Variants in UBE2G1 observed in about 807,000 individuals in gnomAD.
UBE2G1 encodes ubiquitin-conjugating enzyme E2 G1.
Under a neutral mutation model 22.7 loss-of-function variants are expected in UBE2G1, and 5 were observed. That is an observed-to-expected ratio of 0.22 (90% CI 0.12 to 0.46). UBE2G1 has a LOEUF of 0.46. Among genes scored for constraint, UBE2G1 ranks in the 20% least tolerant of loss-of-function variants. The pLI is 0.99. For missense variants in UBE2G1, 88 were observed against 203.9 expected (o/e 0.43, Z 3.46); for synonymous variants, 74 against 67.5 (o/e 1.10, Z -0.47).
At chr17:4,339,492 C>T (rs527755970) in intron 1 of UBE2G1, among the ~76,000 whole-genome samples, 375 of 152,126 alleles carry the variant, frequency 2.5e-3, no homozygotes, top group Non-Finnish European at 4.3e-3. Context: ...TTAGTAGAGA[C>T]GGGGTTTCAG....
Position 4,312,157 on chromosome 17 carries a change from T to C in UBE2G1, c.47-5034A>G, listed in dbSNP as rs148161136. Among the ~76,000 whole-genome samples, 135 of 150,804 alleles carry C rather than the reference T, an allele frequency of 9.0e-4. 2 individuals carry two copies. In the East Asian group the frequency reaches 0.02, roughly 22 times the overall value. ...GCTACTTGGGAGGCAGGAGAATCGC[T>C]TGAACCCAGGAGGCGGAGGTCACCG... On this transcript the variant is annotated intron_variant, in intron 1 of 5. Transcript: ENST00000396981.
chr17:4,317,333 A>G (rs947846584), intron 1 of UBE2G1, among the ~76,000 whole-genome samples: 2 of 152,194 alleles, frequency 1.3e-5, no homozygotes, highest in East Asian at 3.9e-4. Context: ...CTAGGCGACA[A>G]GAGCGAGACT....
chr17:4,270,914 C>T lies in UBE2G1; in HGVS notation c.*1640G>A, dbSNP rs1968750893. 6.6e-6 allele frequency: 1 copy of T among 152,222 alleles called. No individual in the cohort carries two copies. Among genetic ancestry groups the T allele is most frequent in the African/African-American group, 2.4e-5 (1 of 41,450 alleles). 9.4% of individuals were successfully genotyped at this position (152,222 alleles called of 1,614,324 possible). Reference sequence around the variant, plus strand: ...TGGGCTCTTGGCAGGAGTTCTTTCACTCTTCTGCCAAAGCATTTCTCCAAA... The same window carrying T: ...TGGGCTCTTGGCAGGAGTTCTTTCATTCTTCTGCCAAAGCATTTCTCCAAA... On this transcript the variant is annotated 3_prime_UTR_variant, in exon 6 of 6. Transcript: ENST00000396981.
intron 2 of UBE2G1, chr17:4,302,255 A>T (rs559600248): frequency 2.1e-6 from 1 of 468,486 alleles, no homozygotes; most frequent in African/African-American, 2.0e-5. Flanking sequence ...CCCACACCCC[A>T]GTATTTGGGC....
At chr17:4,324,873 C>T (rs952751155) in intron 1 of UBE2G1, among the ~76,000 whole-genome samples, 9 of 151,926 alleles carry the variant, frequency 5.9e-5, no homozygotes, top group Admixed American at 1.3e-4. Context: ...GTCAGGAGAT[C>T]GAGACCATCC....
At chr17:4,292,010 T>C (rs989230775) in intron 3 of UBE2G1, among the ~76,000 whole-genome samples, 1 of 152,116 alleles carries the variant, frequency 6.6e-6, no homozygotes, top group African/African-American at 2.4e-5. Context: ...TCAGTGTTCA[T>C]TAGAGATGAA....
In UBE2G1 at chr17:4,271,595, G is replaced by A. The variant is rs769159273; in HGVS notation, c.*959C>T. ...GAGAAATATGAAGGACTAAGGAGAA[G>A]GGTATGAGAGTAAATAGGATTTGTA... On this transcript the variant is annotated 3_prime_UTR_variant, in exon 6 of 6. Coordinates refer to ENST00000396981, the MANE Select transcript of UBE2G1 (RefSeq NM_003342.5). 3.3e-5 allele frequency: 5 copies of A among 149,358 alleles called. No homozygotes were observed. Among genetic ancestry groups the A allele is most frequent in the Non-Finnish European group, 7.4e-5 (5 of 67,588 alleles). The allele number at this position is 149,358 out of a possible 1,614,324, so 9.3% of individuals were successfully genotyped here.
At chr17:4,295,331 C>A (rs1051715494) in intron 3 of UBE2G1, among the ~76,000 whole-genome samples, 1 of 152,196 alleles carries the variant, frequency 6.6e-6, no homozygotes, top group Admixed American at 6.5e-5. Context: ...AAATCACTAT[C>A]TTTTACGATC....
Position 4,303,898 on chromosome 17 carries a change from C to T in UBE2G1, c.149+3123G>A, listed in dbSNP as rs376592748. On this transcript the variant is annotated intron_variant, in intron 2 of 5. Coordinates refer to ENST00000396981, the MANE Select transcript of UBE2G1 (RefSeq NM_003342.5). ...AAACAAAATAAATAAATAAGACATA[C>T]TCCTTGAACAGACCAGCCACTGGTG... is the stretch of plus-strand genomic sequence containing the variant. 2.0e-4 allele frequency among the ~76,000 whole-genome samples: 30 copies of T among 152,232 alleles called. No homozygotes were observed. The South Asian group carries it at 2.7e-3, about 14-fold the overall frequency.
intron 4 of UBE2G1, among the ~76,000 whole-genome samples, chr17:4,284,834 CTTTCTTT>C (rs1306719261): frequency 3.6e-4 from 30 of 83,470 alleles, no homozygotes; most frequent in South Asian, 1.8e-3. Flanking sequence ...CTTTTCTTTT[CTTTCTTT>C]TTTTTTTTTT....
intron 5 of UBE2G1, among the ~76,000 whole-genome samples, chr17:4,275,051 G>C (rs997831206): frequency 6.6e-6 from 1 of 151,996 alleles, no homozygotes; most frequent in Admixed American, 6.6e-5. Context: ...AACAGGGCAG[G>C]GGAGGACGCC....
At chr17:4,314,345 T>C (rs1366851732) in intron 1 of UBE2G1, among the ~76,000 whole-genome samples, 1 of 152,184 alleles carries the variant, frequency 6.6e-6, no homozygotes, top group Non-Finnish European at 1.5e-5. Context: ...ACTGGTCAAA[T>C]ATGGGACAAT....
rs11433380 is a variant in UBE2G1, at chr17:4,270,549, TAAAAAAA to T, written c.*1998_*2004del. 3.0e-5 allele frequency: 4 copies of T among 133,360 alleles called. No individual in the cohort carries two copies. The highest frequency in any genetic ancestry group is 1.5e-4 in the Admixed American group (2 of 13,008). The allele number at this position is 133,360 out of a possible 1,614,324, so 8.3% of individuals were successfully genotyped here. A position where few individuals can be genotyped will look rare whatever the true frequency, so the allele number is the denominator to read the frequency against. ...TGGGTGACAGAGAGACCCAGTTTCT[TAAAAAAA>T]AAAAAAAAAAAGTAAAAAGGATTGT... On this transcript the variant is annotated 3_prime_UTR_variant, in exon 6 of 6. Transcript: ENST00000396981.
chr17:4,316,476 T>C (rs1476487121), intron 1 of UBE2G1, among the ~76,000 whole-genome samples: 1 of 152,126 alleles, frequency 6.6e-6, no homozygotes, highest in Non-Finnish European at 1.5e-5. Context: ...TCACCAAAAG[T>C]AACTGCAAAA....
intron 1 of UBE2G1, among the ~76,000 whole-genome samples, chr17:4,317,265 G>A (rs1018583183): frequency 2.0e-5 from 3 of 152,178 alleles, no homozygotes; most frequent in African/African-American, 7.2e-5. Flanking sequence ...CAGGAGAATC[G>A]CTTGAACCTG....
intron 1 of UBE2G1, among the ~76,000 whole-genome samples, chr17:4,311,240 A>AT (rs963112573): frequency 1.3e-5 from 2 of 152,158 alleles, no homozygotes; most frequent in African/African-American, 4.8e-5. Context: ...TTAAAAAATA[A>AT]TTTTTTTTAA....
chr17:4,353,812 A>ATTTTTTTT, intron 1 of UBE2G1, among the ~76,000 whole-genome samples: 1 of 104,848 alleles, frequency 9.5e-6, no homozygotes, highest in Non-Finnish European at 1.8e-5. Flanking sequence ...GCCCGGTCAA[A>ATTTTTTTT]TTTTTTTTTT....
chr17:4,274,352 C>T (rs1396602790), intron 5 of UBE2G1, among the ~76,000 whole-genome samples: 1 of 152,082 alleles, frequency 6.6e-6, no homozygotes, highest in African/African-American at 2.4e-5. Context: ...CGCCTGCCAC[C>T]ATGCCCGGCT....
chr17:4,322,647 G>A (rs1457579214), intron 1 of UBE2G1, among the ~76,000 whole-genome samples: 2 of 152,234 alleles, frequency 1.3e-5, no homozygotes, highest in Admixed American at 6.5e-5. Flanking sequence ...ACCTATGTAA[G>A]AGGCCTAGGA....
Sources: allele counts gnomAD v4.1 joint callset (sites outside exome capture counted in the v4.1 genomes callset), GRCh38; gene constraint gnomAD v4.1.1; transcripts MANE v1.5; gene names NCBI Gene and HGNC (gene_info 2026-07-23, HGNC 2026-07-21).